SHC4: variants seen among roughly 807,000 people sequenced by gnomAD.
SHC4 encodes SHC-transforming protein 4.
Under a neutral mutation model 69.4 loss-of-function variants are expected in SHC4, and 41 were observed. That is an observed-to-expected ratio of 0.59 (90% CI 0.46 to 0.77). The LOEUF is 0.77. SHC4 is among the 30% of genes least tolerant of loss of function. SHC4 has a pLI of 0.00. For synonymous variants in SHC4, 318 were observed against 299.3 expected (o/e 1.06, Z -0.64); for missense variants, 777 against 783.8 (o/e 0.99, Z 0.10).
At chr15:48,958,434 CA>C (rs1901488724) in intron 1 of SHC4, among the ~76,000 whole-genome samples, 2 of 152,292 alleles carry the variant, frequency 1.3e-5, no homozygotes, top group South Asian at 4.1e-4. Flanking sequence ...CCTGGGCTCT[CA>C]GTGTCCTCAC....
intron 1 of SHC4, among the ~76,000 whole-genome samples, chr15:48,954,151 C>T (rs1404023973): frequency 1.3e-5 from 2 of 152,224 alleles, no homozygotes; most frequent in African/African-American, 2.4e-5. Context: ...GTTGTGGGAG[C>T]TGCCCTGGGC....
chr15:48,837,713 T>C (rs370600854), intron 10 of SHC4, among the ~76,000 whole-genome samples: 1 of 152,206 alleles, frequency 6.6e-6, no homozygotes, highest in African/African-American at 2.4e-5. Flanking sequence ...ATAGTAATCA[T>C]ATCATCTTGG....
chr15:48,929,817 G>C (rs1220260904), intron 1 of SHC4, among the ~76,000 whole-genome samples: 1 of 152,212 alleles, frequency 6.6e-6, no homozygotes, highest in Admixed American at 6.5e-5. Flanking sequence ...GCGGAGCTCA[G>C]CGTTGCTCAG....
chr15:48,891,755 T>A (rs746981353), intron 2 of SHC4, among the ~76,000 whole-genome samples: 2 of 152,232 alleles, frequency 1.3e-5, no homozygotes, highest in Non-Finnish European at 2.9e-5. Context: ...TTTTTATATA[T>A]ATTATATTTC....
At chr15:48,854,171 A>G (rs1595732890) in intron 8 of SHC4, among the ~76,000 whole-genome samples, 1 of 152,252 alleles carries the variant, frequency 6.6e-6, no homozygotes, top group Non-Finnish European at 1.5e-5. Context: ...ATGAACAGAC[A>G]TTTCTCAAAA....
At chr15:48,951,090 C>G (rs1901358068) in intron 1 of SHC4, among the ~76,000 whole-genome samples, 1 of 152,076 alleles carries the variant, frequency 6.6e-6, no homozygotes, top group Admixed American at 6.6e-5. Context: ...TTGTGGCAGC[C>G]TTGTCCATTC....
intron 10 of SHC4, among the ~76,000 whole-genome samples, chr15:48,841,419 C>G (rs1448472566): frequency 6.6e-6 from 1 of 152,196 alleles, no homozygotes; most frequent in East Asian, 1.9e-4. Context: ...GTGGTAGCCA[C>G]AGAGATGCAC....
chr15:48,843,678 T>C, intron 9 of SHC4, 90 bp from the exon 10 acceptor site: 1 of 1,267,826 alleles, frequency 7.9e-7, no homozygotes. Flanking sequence ...GATAGAAACC[T>C]AAAGGCCATG....
intron 1 of SHC4, among the ~76,000 whole-genome samples, chr15:48,952,879 A>G (rs1901388066): frequency 6.6e-6 from 1 of 152,210 alleles, no homozygotes; most frequent in African/African-American, 2.4e-5. Flanking sequence ...AGATCTAAAG[A>G]CAGAAATACC....
At chr15:48,849,634 C>T (rs943934926) in intron 9 of SHC4, among the ~76,000 whole-genome samples, 16 of 152,126 alleles carry the variant, frequency 1.1e-4, no homozygotes, top group African/African-American at 3.6e-4. Flanking sequence ...AAGTGAGCTT[C>T]AGTACAGGGG....
intron 1 of SHC4, among the ~76,000 whole-genome samples, chr15:48,949,051 C>G (rs1326529162): frequency 6.6e-6 from 1 of 152,072 alleles, no homozygotes; most frequent in Non-Finnish European, 1.5e-5. Flanking sequence ...TCTCTCCCAT[C>G]CCATCCTAGG....
chr15:48,935,660 C>T (rs1253775571), intron 1 of SHC4, among the ~76,000 whole-genome samples: 1 of 152,082 alleles, frequency 6.6e-6, no homozygotes, highest in East Asian at 1.9e-4. Flanking sequence ...AATGGAAAAT[C>T]CTTCCCCTTT....
chr15:48,947,652 T>A (rs2141037758), intron 1 of SHC4, among the ~76,000 whole-genome samples: 1 of 152,296 alleles, frequency 6.6e-6, no homozygotes, highest in South Asian at 2.1e-4. Flanking sequence ...AGAGCTAAAA[T>A]ATATCCACTT....
intron 2 of SHC4, among the ~76,000 whole-genome samples, chr15:48,914,152 C>T (rs1371274471): frequency 2.0e-5 from 3 of 152,246 alleles, no homozygotes; most frequent in African/African-American, 4.8e-5. Flanking sequence ...TGAGCCACCG[C>T]GCCCGGCGCG....
At chr15:48,884,558 C>A (rs1900000120) in intron 3 of SHC4, among the ~76,000 whole-genome samples, 191 bp from the exon 4 acceptor site, 1 of 152,044 alleles carries the variant, frequency 6.6e-6, no homozygotes, top group African/African-American at 2.4e-5. Flanking sequence ...GCAGCGAATT[C>A]TTTATTAAGT....
chr15:48,920,365 T>C (rs1398959926), intron 2 of SHC4, among the ~76,000 whole-genome samples: 1 of 152,040 alleles, frequency 6.6e-6, no homozygotes, highest in Non-Finnish European at 1.5e-5. Flanking sequence ...AGGAGCTTTG[T>C]AATATTGCAC....
At chr15:48,892,887 C>T (rs1299880873) in intron 2 of SHC4, among the ~76,000 whole-genome samples, 1 of 148,436 alleles carries the variant, frequency 6.7e-6, no homozygotes, top group Non-Finnish European at 1.5e-5. Context: ...AAAAAGTTGA[C>T]TATAAATGAT....
At position 48,878,294 on chromosome 15, in the gene SHC4, C is replaced by G. The variant is rs758350829; in HGVS notation, c.840+5954G>C. On this transcript the variant is annotated intron_variant, in intron 4 of 11. Transcript: ENST00000332408. ...GGAGGTAGGCAGCGGGAGCCGGGAG[C>G]TATCCCTGCGTCCCTCCCGCAGCGG... 6 of 1,613,772 alleles carry G rather than the reference C, an allele frequency of 3.7e-6. No homozygotes were observed. The East Asian group carries it at 8.9e-5, about 24-fold the overall frequency.
intron 1 of SHC4, among the ~76,000 whole-genome samples, chr15:48,926,669 G>C (rs1900859633): frequency 6.6e-6 from 1 of 152,080 alleles, no homozygotes; most frequent in Non-Finnish European, 1.5e-5. Context: ...CACCATGTTG[G>C]CCAGGCTGGT....
Sources: gnomAD v4.1 joint callset for allele counts (sites outside exome capture counted in the v4.1 genomes callset) on GRCh38, gnomAD v4.1.1 for gene constraint, MANE v1.5 for transcripts, NCBI Gene and HGNC (gene_info 2026-07-23, HGNC 2026-07-21) for gene names.